ZDHHC11: variants seen among roughly 807,000 people sequenced by gnomAD.
The protein encoded by ZDHHC11 is zDHHC palmitoyltransferase 11.
Under a neutral mutation model 51.3 loss-of-function variants are expected in ZDHHC11, and 44 were observed. That is an observed-to-expected ratio of 0.86 (90% CI 0.67 to 1.10). ZDHHC11 has a LOEUF of 1.10. Among genes scored for constraint, ZDHHC11 ranks in the 50% least tolerant of loss-of-function variants. The pLI, the probability that ZDHHC11 is intolerant of heterozygous loss-of-function variation, is 0.00. For missense variants in ZDHHC11, 400 were observed against 537.7 expected (o/e 0.74, Z 2.53); for synonymous variants, 163 against 222.0 (o/e 0.73, Z 2.36).
At chr5:856,884 T>C (rs1216446213) in intron 1 of ZDHHC11, among the ~76,000 whole-genome samples, 1 of 134,088 alleles carries the variant, frequency 7.5e-6, no homozygotes, top group African/African-American at 2.9e-5. Flanking sequence ...ACCCCCAAAA[T>C]ACCACACATA....
rs1317078187 is a variant in ZDHHC11 at position 840,503 on chromosome 5, A to C, written c.776T>G (p.Ile259Ser). The C allele has an allele frequency of 3.7e-6, 6 of 1,613,676 alleles. No homozygotes were observed. The highest frequency in any genetic ancestry group is 5.1e-6 in the Non-Finnish European group (6 of 1,179,874). The change falls in exon 5 of 13, where the codon ATC becomes AGC. Residue 259 changes from isoleucine to serine, a missense_variant. Ile to Ser is a moderately radical substitution (Grantham distance 142). Transcript: ENST00000283441. ...TAGGGTGGGGGACATACTCAGGTAG[A>C]TGTGGAAGATGAGCAGCTGGCCCAG... is the stretch of plus-strand genomic sequence containing the variant. ...VHLGQLLIFHIYLKAKKMTTF... is the reference protein window; with the variant it reads ...VHLGQLLIFHSYLKAKKMTTF...
chr5:800,235 T>C (rs1464877102), intron 12 of ZDHHC11, among the ~76,000 whole-genome samples: 2 of 150,826 alleles, frequency 1.3e-5, no homozygotes, highest in Non-Finnish European at 3.0e-5. Context: ...TGCCCGATCA[T>C]AGGGCTTTTC....
intron 11 of ZDHHC11, among the ~76,000 whole-genome samples, chr5:813,451 A>C (rs1204723913): frequency 1.4e-5 from 2 of 143,790 alleles, no homozygotes; most frequent in Non-Finnish European, 3.0e-5. Context: ...CGGTGACCTC[A>C]GCAGTCTGGG....
At chr5:838,473 C>T (rs1032358479) in intron 5 of ZDHHC11, among the ~76,000 whole-genome samples, 2 of 152,070 alleles carry the variant, frequency 1.3e-5, no homozygotes, top group African/African-American at 4.8e-5. Flanking sequence ...GCGGTGGGCG[C>T]CCTGGGGAGC....
intron 11 of ZDHHC11, among the ~76,000 whole-genome samples, chr5:804,637 A>G (rs1453737287): frequency 1.3e-5 from 2 of 151,268 alleles, no homozygotes; most frequent in African/African-American, 4.9e-5. Context: ...AGAGATCCTT[A>G]GTAAAATTAT....
chr5:829,914 A>T (rs1742860689), intron 7 of ZDHHC11, among the ~76,000 whole-genome samples: 2 of 151,342 alleles, frequency 1.3e-5, no homozygotes, highest in Non-Finnish European at 2.9e-5. Context: ...AGATGCAGAA[A>T]AAGCATCTGA....
intron 12 of ZDHHC11, among the ~76,000 whole-genome samples, chr5:799,046 G>A (rs1219869160): frequency 2.0e-5 from 3 of 151,550 alleles, no homozygotes; most frequent in African/African-American, 7.3e-5. Flanking sequence ...TCTTTGCTGT[G>A]GTTTGGACAT....
At chr5:828,114 GAA>G (rs1363705213) in intron 7 of ZDHHC11, among the ~76,000 whole-genome samples, 68 of 151,482 alleles carry the variant, frequency 4.5e-4, no homozygotes, top group African/African-American at 1.6e-3. Flanking sequence ...AGAACAAAAT[GAA>G]AAGTCTCCCA....
At chr5:841,431 T>C (rs1744934238) in intron 4 of ZDHHC11, 3 of 969,834 alleles carry the variant, frequency 3.1e-6, no homozygotes, top group Admixed American at 6.6e-5. Context: ...TGCCCACCCC[T>C]TCCTCACTAA....
intron 6 of ZDHHC11, among the ~76,000 whole-genome samples, chr5:835,569 C>T (rs1193098484): frequency 6.6e-6 from 1 of 151,968 alleles, no homozygotes; most frequent in Non-Finnish European, 1.5e-5. Flanking sequence ...TTGGCTAGTA[C>T]AGTAGCCTAG....
At chr5:852,125 C>T (rs1469278472), upstream of ZDHHC11, among the ~76,000 whole-genome samples, 1 of 151,668 alleles carries the variant, frequency 6.6e-6, no homozygotes, top group East Asian at 1.9e-4. Context: ...AGAAAGACAA[C>T]CCTGTACATT....
intron 3 of ZDHHC11, among the ~76,000 whole-genome samples, chr5:844,742 C>A (rs1410244640): frequency 6.6e-6 from 1 of 152,182 alleles, no homozygotes; most frequent in Non-Finnish European, 1.5e-5. Context: ...CGGCTGCAGT[C>A]CCCCCTTCTC....
rs939379267 is a variant in ZDHHC11 at position 802,508 on chromosome 5, G to C, written c.1182-1344C>G. Among the ~76,000 whole-genome samples the C allele has an allele frequency of 2.0e-4, 30 of 149,946 alleles. 1 individual carries two copies. Among genetic ancestry groups the C allele is most frequent in the African/African-American group, 6.9e-4 (28 of 40,518 alleles). ...ATAATTGTGTTGTAAAAGTGTGTAA[G>C]TATGTATATAAAAATGGAGAGGAAG... On this transcript the variant is annotated intron_variant, in intron 11 of 12. Coordinates refer to ENST00000283441, the MANE Select transcript of ZDHHC11 (RefSeq NM_024786.3).
At chr5:815,608 T>C (rs927921725) in intron 10 of ZDHHC11, among the ~76,000 whole-genome samples, 1 of 151,218 alleles carries the variant, frequency 6.6e-6, no homozygotes, top group Non-Finnish European at 1.5e-5. Flanking sequence ...CTTTCATTGC[T>C]CTTGGGTAAG....
intron 12 of ZDHHC11, among the ~76,000 whole-genome samples, chr5:800,381 T>A (rs1427906213): frequency 6.0e-5 from 9 of 150,672 alleles, no homozygotes; most frequent in African/African-American, 2.2e-4. Context: ...TAAAGCAGCT[T>A]GCTTTGCCTT....
chr5:837,454 A>G lies in ZDHHC11; in HGVS notation c.811T>C (p.Tyr271His). The change falls in exon 6 of 13, where the codon TAT becomes CAT. Residue 271 changes from tyrosine to histidine, a missense_variant. Transcript: ENST00000283441. Reference sequence around the variant, plus strand: ...TCTTCTTTGCGGTTATTAATGAGATACTCAAAGGTGGTCATCTTCTTGGCC... The same window carrying G: ...TCTTCTTTGCGGTTATTAATGAGATGCTCAAAGGTGGTCATCTTCTTGGCC... ...LKAKKMTTFE[Y>H]LINNRKEESS... 2 of 1,609,592 alleles carry G rather than the reference A, an allele frequency of 1.2e-6. No homozygotes were observed. Among genetic ancestry groups the G allele is most frequent in the Non-Finnish European group, 8.5e-7 (1 of 1,176,504 alleles).
At chr5:822,608 A>G (rs1741710916) in intron 8 of ZDHHC11, among the ~76,000 whole-genome samples, 1 of 151,502 alleles carries the variant, frequency 6.6e-6, no homozygotes, top group Non-Finnish European at 1.5e-5. Flanking sequence ...TTTCATCCCC[A>G]TGAGCAATGG....
chr5:825,583 T>A (rs1401304405), intron 7 of ZDHHC11, among the ~76,000 whole-genome samples: 2 of 152,206 alleles, frequency 1.3e-5, no homozygotes, highest in African/African-American at 4.8e-5. Context: ...AGGTCTGATA[T>A]GCAGCTCCCA....
chr5:847,054 G>GT (rs1746342182), intron 3 of ZDHHC11, among the ~76,000 whole-genome samples: 1 of 137,760 alleles, frequency 7.3e-6, no homozygotes, highest in African/African-American at 3.1e-5. Flanking sequence ...AACACCTCTC[G>GT]TCTATGAGCC....
Sources: allele counts gnomAD v4.1 joint callset (sites outside exome capture counted in the v4.1 genomes callset), GRCh38; gene constraint gnomAD v4.1.1; transcripts MANE v1.5; gene names NCBI Gene and HGNC (gene_info 2026-07-23, HGNC 2026-07-21).